The following CUX2 variants were observed in gnomAD, a reference collection of about 807,000 sequenced individuals.
CUX2 encodes cut like homeobox 2.
A neutral mutation model predicts 144.8 loss-of-function variants in CUX2; 40 were observed. The ratio of observed to expected loss-of-function variants is 0.28; its 90% CI spans 0.21 to 0.36. The LOEUF is 0.36. Among genes scored for constraint, CUX2 ranks in the 10% least tolerant of loss-of-function variants. The pLI is 1.00. For missense variants in CUX2, 1,615 were observed against 1,994.0 expected, an observed-to-expected ratio of 0.81 and a Z score of 3.62; for synonymous variants, 827 against 875.6, an observed-to-expected ratio of 0.94 and a Z score of 0.98.
intron 4 of CUX2, chr12:111,270,593 G>T (rs1281864925): frequency 6.6e-6 from 1 of 151,540 alleles, no homozygotes; most frequent in Non-Finnish European, 1.5e-5. Flanking sequence ...CACTAGGTAC[G>T]GACCCAAGCT....
At chr12:111,291,126 A>G (rs1885657440) in intron 4 of CUX2, among the ~76,000 whole-genome samples, 1 of 152,052 alleles carries the variant, frequency 6.6e-6, no homozygotes, top group Admixed American at 6.6e-5. Context: ...TAGCCTCCCA[A>G]AGTGCTGGGA....
At chr12:111,083,398 C>G (rs1872018640) in intron 1 of CUX2, among the ~76,000 whole-genome samples, 1 of 152,182 alleles carries the variant, frequency 6.6e-6, no homozygotes, top group Middle Eastern at 3.4e-3. Context: ...GGTCCAAGGT[C>G]TAGGGCCTGA....
intron 1 of CUX2, among the ~76,000 whole-genome samples, chr12:111,202,986 C>T (rs903667362): frequency 2.0e-5 from 3 of 152,102 alleles, no homozygotes; most frequent in African/African-American, 7.2e-5. Flanking sequence ...AATCCCAGCA[C>T]TTTGGGATGC....
rs1222256783 is a variant in CUX2 at position 111,057,393 on chromosome 12, G to T, written c.63+23153G>T. ...TGGAGTGGAGTGGGTGTGACAGGAA[G>T]TGGCCACTGGAGATCTGGCTTTGTC... On this transcript the variant is annotated intron_variant, in intron 1 of 21. Transcript: ENST00000261726. This position sits in a 1 kb window ranked among gnomAD's most constrained non-coding sequence, Gnocchi z 5.1. 2.0e-5 allele frequency among the ~76,000 whole-genome samples: 3 copies of T among 152,164 alleles called. No individual in the cohort carries two copies. Among genetic ancestry groups the T allele is most frequent in the African/African-American group, 7.2e-5 (3 of 41,440 alleles).
Position 111,263,808 on chromosome 12 carries a change from G to C in CUX2, c.270G>C (p.Leu90=). The C allele has an allele frequency of 6.2e-7, 1 of 1,614,154 alleles. No individual in the cohort carries two copies. The highest frequency in any genetic ancestry group is 8.5e-7 in the Non-Finnish European group (1 of 1,179,998). Residue 90 remains leucine, a synonymous_variant, in exon 4 of 22, where the codon CTG becomes CTC. Transcript: ENST00000261726. The surrounding 1 kb of genome is among the most constrained non-coding windows in gnomAD (Gnocchi z 4.0). The stretch of plus-strand genomic sequence containing the variant: ...GTCAGGAGGCGGAGGCTGCTTTTCT[G>C]AGTGTTTACAAGCAATTAATTGAAG... ...KRSQEAEAAF[L]SVYKQLIEAP...
intron 4 of CUX2, among the ~76,000 whole-genome samples, chr12:111,272,664 A>T (rs984330954): frequency 2.6e-5 from 4 of 152,114 alleles, no homozygotes; most frequent in Admixed American, 6.6e-5. Context: ...AGGTTTCACC[A>T]TGTTGGTCAG....
rs1042518656 is a variant in CUX2, at chr12:111,304,782, G to A, written c.858+468G>A. Among the ~76,000 whole-genome samples the A allele has an allele frequency of 6.6e-6, 1 of 152,206 alleles. No homozygotes were observed. The highest frequency in any genetic ancestry group is 1.5e-5 in the Non-Finnish European group (1 of 68,030). On this transcript the variant is annotated intron_variant, in intron 10 of 21. Transcript: ENST00000261726. This position sits in a 1 kb window ranked among gnomAD's most constrained non-coding sequence, Gnocchi z 4.7. ...CACCGGTCATAGCAGCTTTGTGCAT[G>A]CTTGGGATGGTGATGCCCCTGCTGG... is the stretch of plus-strand genomic sequence containing the variant.
chr12:111,211,167 G>A (rs532189282), intron 1 of CUX2, among the ~76,000 whole-genome samples: 6 of 152,322 alleles, frequency 3.9e-5, no homozygotes, highest in African/African-American at 1.4e-4. Flanking sequence ...GTGTTTACCA[G>A]TGAACTGTGG....
chr12:111,297,975 G>A (rs1886094112), intron 8 of CUX2, among the ~76,000 whole-genome samples: 1 of 152,178 alleles, frequency 6.6e-6, no homozygotes, highest in Non-Finnish European at 1.5e-5. Context: ...TGTGAAGAAA[G>A]CAGGGAAGGG....
chr12:111,293,668 T>A lies in CUX2; in HGVS notation c.560+99T>A, dbSNP rs1046006990. 5 of 1,454,050 alleles carry A rather than the reference T, an allele frequency of 3.4e-6. No homozygotes were observed. In the East Asian group the frequency reaches 1.3e-4, roughly 37 times the overall value. The allele number at this position is 1,454,050 out of a possible 1,614,324, so 90.1% of individuals were successfully genotyped here. On this transcript the variant is annotated intron_variant, in intron 6 of 21. Coordinates refer to ENST00000261726, the MANE Select transcript of CUX2 (RefSeq NM_015267.4). The surrounding 1 kb of genome is among the most constrained non-coding windows in gnomAD (Gnocchi z 4.5). Reference sequence around the variant, plus strand: ...GGACGGGGAAAGTCTCCTACCAGAATCCAGATGCAGGCTGGAGACCGAGAT... The same window carrying A: ...GGACGGGGAAAGTCTCCTACCAGAAACCAGATGCAGGCTGGAGACCGAGAT...
At chr12:111,042,388 G>T (rs546779224) in intron 1 of CUX2, among the ~76,000 whole-genome samples, 1 of 152,162 alleles carries the variant, frequency 6.6e-6, no homozygotes, top group Non-Finnish European at 1.5e-5. Flanking sequence ...CATCTGCTAC[G>T]AGTGTCTATG....
chr12:111,229,599 C>T (rs1490416785), intron 3 of CUX2, among the ~76,000 whole-genome samples: 1 of 152,050 alleles, frequency 6.6e-6, no homozygotes, highest in Non-Finnish European at 1.5e-5. Context: ...ATGTGATCAC[C>T]CAGTTGAAAG....
chr12:111,204,132 A>C (rs1351263825), intron 1 of CUX2, among the ~76,000 whole-genome samples: 1 of 152,182 alleles, frequency 6.6e-6, no homozygotes, highest in Non-Finnish European at 1.5e-5. Context: ...CAGCAGTGAG[A>C]GTCCTAGATA....
chr12:111,066,402 A>G (rs1265209087), intron 1 of CUX2, among the ~76,000 whole-genome samples: 2 of 152,166 alleles, frequency 1.3e-5, no homozygotes, highest in Non-Finnish European at 2.9e-5. Flanking sequence ...CTCCTTTAGA[A>G]TTCTTTTTAG....
chr12:111,069,589 G>A (rs1786531291), intron 1 of CUX2, among the ~76,000 whole-genome samples: 1 of 147,718 alleles, frequency 6.8e-6, no homozygotes, highest in African/African-American at 2.4e-5. Context: ...TCATAGCTCT[G>A]GAGGTTAGAA....
At position 111,289,127 on chromosome 12, in the gene CUX2, A is replaced by G. The variant is rs557652393; in HGVS notation, c.302-2291A>G. Among the ~76,000 whole-genome samples the G allele has an allele frequency of 5.9e-5, 9 of 152,272 alleles. No homozygotes were observed. In the South Asian group the frequency reaches 1.9e-3, roughly 32 times the overall value. ...AACAGAGCCAGATTCTGTCTCAAAA[A>G]AAGAAAAAAGGAAAAAAGAAAATTC... On this transcript the variant is annotated intron_variant, in intron 4 of 21. Coordinates refer to ENST00000261726, the MANE Select transcript of CUX2 (RefSeq NM_015267.4). This position sits in a 1 kb window ranked among gnomAD's most constrained non-coding sequence, Gnocchi z 4.1.
At chr12:111,143,462 T>C (rs553602976) in intron 1 of CUX2, among the ~76,000 whole-genome samples, 17 of 151,644 alleles carry the variant, frequency 1.1e-4, no homozygotes, top group African/African-American at 4.1e-4. Context: ...GAGACGGGAG[T>C]GCAGAATTAA....
rs573342162 is a variant in CUX2 at position 111,037,455 on chromosome 12, G to C, written c.63+3215G>C. Among the ~76,000 whole-genome samples the C allele has an allele frequency of 1.4e-4, 22 of 152,324 alleles. No individual in the cohort carries two copies. Among genetic ancestry groups the C allele is most frequent in the African/African-American group, 5.3e-4 (22 of 41,564 alleles). On this transcript the variant is annotated intron_variant, in intron 1 of 21. Coordinates refer to ENST00000261726, the MANE Select transcript of CUX2 (RefSeq NM_015267.4). The surrounding 1 kb of genome is among the most constrained non-coding windows in gnomAD (Gnocchi z 5.4). ...CCAGCGCCGTCTCTGTACACAGCAG[G>C]GCTGTTTTCCTAGGCTGGAAGTCAG...
At chr12:111,216,384 T>G (rs951826996) in intron 2 of CUX2, among the ~76,000 whole-genome samples, 1 of 152,224 alleles carries the variant, frequency 6.6e-6, no homozygotes, top group African/African-American at 2.4e-5. Flanking sequence ...TTCCTGAACA[T>G]GGACCAGAGG....
Sources: gnomAD v4.1 joint callset for allele counts (sites outside exome capture counted in the v4.1 genomes callset) on GRCh38, gnomAD v4.1.1 for gene constraint, Gnocchi (gnomAD v3.1) non-coding constraint, MANE v1.5 for transcripts, NCBI Gene and HGNC (gene_info 2026-07-23, HGNC 2026-07-21) for gene names.